The following KAZN variants were observed in gnomAD, a reference collection of about 807,000 sequenced individuals.
The protein encoded by KAZN is kazrin, periplakin interacting protein.
Under a neutral mutation model 87.4 loss-of-function variants are expected in KAZN, and 40 were observed. The ratio of observed to expected loss-of-function variants is 0.46; its 90% CI spans 0.36 to 0.60. KAZN has a LOEUF of 0.60. Ranked by LOEUF, KAZN falls within the 20% of genes least tolerant of loss-of-function variation. The probability of loss-of-function intolerance (pLI) is 0.00; values close to 1 mark genes in which losing one functional copy is unlikely to be tolerated. For missense variants in KAZN, 898 were observed against 1,073.9 expected (o/e 0.84, Z 2.29); for synonymous variants, 466 against 458.3 (o/e 1.02, Z -0.22).
intron 2 of KAZN, among the ~76,000 whole-genome samples, chr1:14,293,443 A>G (rs995066826): frequency 3.3e-5 from 5 of 152,128 alleles, no homozygotes; most frequent in Admixed American, 2.6e-4. Flanking sequence ...CTTCTTTAAG[A>G]AAATTCGCAT....
intron 1 of KAZN, among the ~76,000 whole-genome samples, chr1:14,044,971 C>T (rs1006221622): frequency 6.6e-6 from 1 of 152,070 alleles, no homozygotes; most frequent in African/African-American, 2.4e-5. Context: ...ACGCCATCTA[C>T]CCCAAGACCA....
chr1:14,581,691 C>A (rs1050971367), intron 2 of KAZN, among the ~76,000 whole-genome samples: 1 of 152,174 alleles, frequency 6.6e-6, no homozygotes, highest in African/African-American at 2.4e-5. Flanking sequence ...GCTGCCCACA[C>A]CTCCCTTCAT....
chr1:14,879,600 G>C (rs114884027), intron 1 of KAZN, among the ~76,000 whole-genome samples: 1 of 152,148 alleles, frequency 6.6e-6, no homozygotes, highest in Admixed American at 6.5e-5. Context: ...AATGGCCTAC[G>C]AATAGACTCG....
chr1:15,003,938 A>G (rs554341690), intron 2 of KAZN, among the ~76,000 whole-genome samples: 31 of 152,266 alleles, frequency 2.0e-4, no homozygotes, highest in African/African-American at 5.8e-4. Flanking sequence ...CAGGCTGCAT[A>G]GGTCCTGGCC....
intron 2 of KAZN, among the ~76,000 whole-genome samples, chr1:14,498,310 C>G (rs1670060781): frequency 6.6e-6 from 1 of 152,236 alleles, no homozygotes; most frequent in African/African-American, 2.4e-5. Flanking sequence ...GACCCTTTCT[C>G]CAGCCTTCTC....
chr1:14,369,766 A>G (rs1024287210), intron 2 of KAZN, among the ~76,000 whole-genome samples: 2 of 152,200 alleles, frequency 1.3e-5, no homozygotes, highest in South Asian at 4.1e-4. Flanking sequence ...CAACGTCCCC[A>G]TGCACCTGTA....
chr1:15,016,034 T>C (rs1056454943), intron 2 of KAZN, among the ~76,000 whole-genome samples: 1 of 152,142 alleles, frequency 6.6e-6, no homozygotes, highest in African/African-American at 2.4e-5. Flanking sequence ...AACAGATTCT[T>C]GGCCGATGGT....
chr1:14,373,106 T>C (rs921688048), intron 2 of KAZN, among the ~76,000 whole-genome samples: 8 of 151,996 alleles, frequency 5.3e-5, no homozygotes, highest in African/African-American at 1.4e-4. Flanking sequence ...TGGAGGTAGG[T>C]AGTACTGAAC....
At chr1:14,317,269 C>T (rs1338765504) in intron 2 of KAZN, among the ~76,000 whole-genome samples, 1 of 151,856 alleles carries the variant, frequency 6.6e-6, no homozygotes, top group Non-Finnish European at 1.5e-5. Context: ...TATCATTGTA[C>T]AATATTCATC....
chr1:14,260,039 C>T (rs1363696275), intron 2 of KAZN, among the ~76,000 whole-genome samples: 1 of 152,118 alleles, frequency 6.6e-6, no homozygotes, highest in Non-Finnish European at 1.5e-5. Flanking sequence ...GCTGTTATCA[C>T]CGTTTTCAAT....
Position 13,975,002 on chromosome 1 carries a change from GT to G in KAZN, c.91+81250del, listed in dbSNP as rs1487256120. Among the ~76,000 whole-genome samples the G allele has an allele frequency of 2.6e-5, 4 of 152,056 alleles. No homozygotes were observed. In the East Asian group the frequency reaches 7.7e-4, roughly 29 times the overall value. On this transcript the variant is annotated intron_variant, in intron 1 of 16. Coordinates refer to the KAZN transcript ENST00000636203. Reference sequence around the variant, plus strand: ...GCACTTTTCTTATCCTAATTATGTTGTTTTCTAGTTGTTCATTTAACATGTA... The same window carrying G: ...GCACTTTTCTTATCCTAATTATGTTGTTTCTAGTTGTTCATTTAACATGTA...
At chr1:14,357,044 C>A (rs2100965303) in intron 2 of KAZN, among the ~76,000 whole-genome samples, 1 of 152,052 alleles carries the variant, frequency 6.6e-6, no homozygotes, top group African/African-American at 2.4e-5. Flanking sequence ...GATATTGATT[C>A]TTCCTATCCA....
At chr1:14,227,339 C>T (rs896613620) in intron 2 of KAZN, among the ~76,000 whole-genome samples, 2 of 152,056 alleles carry the variant, frequency 1.3e-5, no homozygotes, top group African/African-American at 2.4e-5. Context: ...TCTTCTCTTC[C>T]CCGTGATGTC....
chr1:14,505,205 C>T (rs1041519876), intron 2 of KAZN, among the ~76,000 whole-genome samples: 1 of 152,162 alleles, frequency 6.6e-6, no homozygotes, highest in African/African-American at 2.4e-5. Context: ...TTCTAAACTC[C>T]CAGAGAAAAG....
chr1:14,790,725 G>T (rs1272917253), intron 1 of KAZN, among the ~76,000 whole-genome samples: 1 of 151,758 alleles, frequency 6.6e-6, no homozygotes, highest in Non-Finnish European at 1.5e-5. Flanking sequence ...TTCTTTTTTT[G>T]TTCTGTTGCT....
chr1:15,066,885 C>T lies in KAZN; in HGVS notation c.1222+1132C>T, dbSNP rs368762152. ...CTCCACCTTCTTCCCACCCAGAGCT[C>T]CCTCCAGGCCTTTCTCTATATATTT... On this transcript the variant is annotated intron_variant, in intron 8 of 14. Coordinates refer to ENST00000376030, the MANE Select transcript of KAZN (RefSeq NM_201628.3). This position sits in a 1 kb window ranked among gnomAD's most constrained non-coding sequence, Gnocchi z 4.3. 85 of 985,492 alleles carry T rather than the reference C, an allele frequency of 8.6e-5. No homozygotes were observed. In the South Asian group the frequency reaches 2.6e-3, roughly 30 times the overall value. 61.0% of individuals were successfully genotyped at this position (985,492 alleles called of 1,614,324 possible). A position where few individuals can be genotyped will look rare whatever the true frequency, so the allele number is the denominator to read the frequency against.
Position 14,229,239 on chromosome 1 carries a change from C to T in KAZN, c.249+48647C>T, listed in dbSNP as rs184903075. Among the ~76,000 whole-genome samples, 1,435 of 152,256 alleles carry T rather than the reference C, an allele frequency of 9.4e-3. 10 individuals are homozygous for T. Among genetic ancestry groups the T allele is most frequent in the South Asian group, 0.03 (145 of 4,828 alleles). On this transcript the variant is annotated intron_variant, in intron 2 of 16. Coordinates refer to the KAZN transcript ENST00000636203. Reference sequence around the variant, plus strand: ...CAACTGGGTTTCTCTCTCCTTAGCTCTCTTAAAAAACAAAACAAATTTGTA... The same window carrying T: ...CAACTGGGTTTCTCTCTCCTTAGCTTTCTTAAAAAACAAAACAAATTTGTA...
At chr1:14,807,443 T>A (rs1298433261) in intron 1 of KAZN, among the ~76,000 whole-genome samples, 1 of 152,166 alleles carries the variant, frequency 6.6e-6, no homozygotes, top group Admixed American at 6.5e-5. Context: ...GTCAACATGA[T>A]GCTAGGCCAA....
intron 2 of KAZN, among the ~76,000 whole-genome samples, chr1:14,392,468 A>G (rs1363125023): frequency 2.0e-5 from 3 of 152,036 alleles, no homozygotes; most frequent in Non-Finnish European, 2.9e-5. Flanking sequence ...AGGCGGGACG[A>G]TTGCACACCA....
Sources: gnomAD v4.1 joint callset for allele counts (sites outside exome capture counted in the v4.1 genomes callset) on GRCh38, gnomAD v4.1.1 for gene constraint, Gnocchi (gnomAD v3.1) non-coding constraint, MANE v1.5 for transcripts, NCBI Gene and HGNC (gene_info 2026-07-23, HGNC 2026-07-21) for gene names.